MCF2: variants seen among roughly 807,000 people sequenced by gnomAD.
The protein encoded by MCF2 is MCF.2 cell line derived transforming sequence.
Under a neutral mutation model 82.5 loss-of-function variants are expected in MCF2, and 44 were observed. The observed-to-expected ratio is 0.53, with a 90% CI of 0.42 to 0.69. The LOEUF is 0.69. Ranked by LOEUF, MCF2 falls within the 30% of genes least tolerant of loss-of-function variation. MCF2 has a pLI of 0.00. For missense variants in MCF2, 623 were observed against 663.1 expected (o/e 0.94, Z 0.66); for synonymous variants, 217 against 224.9 (o/e 0.96, Z 0.32).
intron 1 of MCF2, among the ~76,000 whole-genome samples, chrX:139,653,806 C>A (rs1350680492): frequency 9.0e-6 from 1 of 111,131 alleles, no homozygotes; most frequent in South Asian, 3.9e-4. Context: ...CCCCTCTACC[C>A]TTCCCAGCCT....
At chrX:139,618,102 C>A (rs1464130006) in intron 7 of MCF2, among the ~76,000 whole-genome samples, 1 of 110,418 alleles carries the variant, frequency 9.1e-6, no homozygotes, top group African/African-American at 3.3e-5. Context: ...CCTTAGAAAT[C>A]TCATCAGAGT....
At chrX:139,692,013 G>A (rs1206694087) in intron 1 of MCF2, 3 of 1,164,232 alleles carry the variant, frequency 2.6e-6, no homozygotes, top group Non-Finnish European at 3.4e-6. Flanking sequence ...CACCTGCAGA[G>A]GGATCGCCTG....
intron 7 of MCF2, among the ~76,000 whole-genome samples, chrX:139,618,409 C>T (rs773790919): frequency 3.6e-5 from 4 of 111,058 alleles, no homozygotes; most frequent in Non-Finnish European, 7.6e-5. Flanking sequence ...GGAGCTGTTG[C>T]ACAACAACGC....
intron 16 of MCF2, among the ~76,000 whole-genome samples, chrX:139,600,097 T>C (rs1421876814): frequency 8.9e-6 from 1 of 111,748 alleles, no homozygotes; most frequent in Admixed American, 9.5e-5. Context: ...TCCATTTATA[T>C]GAAATGTCCA....
At chrX:139,646,967 A>G, upstream of MCF2, 1 of 672,706 alleles carries the variant, frequency 1.5e-6, no homozygotes, top group South Asian at 2.9e-5. Context: ...CAAGAAGAGG[A>G]TTTTAGATTT....
chrX:139,684,835 T>G (rs1051359929), intron 1 of MCF2, among the ~76,000 whole-genome samples: 2 of 111,433 alleles, frequency 1.8e-5, no homozygotes, highest in Non-Finnish European at 3.8e-5. Context: ...TGGGAGAAAA[T>G]GGAGAGTGAC....
rs751638755 is a variant in MCF2 at position 139,609,684 on chromosome X, G to C, written c.1401+617C>G. Among the ~76,000 whole-genome samples the C allele has an allele frequency of 1.2e-4, 13 of 111,295 alleles. No homozygotes were observed. In the South Asian group the frequency reaches 2.3e-3, roughly 20 times the overall value. On this transcript the variant is annotated intron_variant, in intron 11 of 24. Transcript: ENST00000370576. ...TATCTAACAATAAGTAAGTAGATTG[G>C]GCACAGTGATGCACACCTGTAGTCC...
intron 1 of MCF2, among the ~76,000 whole-genome samples, chrX:139,652,856 A>C (rs1391728163): frequency 9.1e-6 from 1 of 110,109 alleles, no homozygotes; most frequent in Non-Finnish European, 1.9e-5. Flanking sequence ...TGTGGTTTAT[A>C]AAGGACAATC....
chrX:139,632,433 G>A (rs1932973606), exon 2 of MCF2: 1 of 1,199,442 alleles, frequency 8.3e-7, no homozygotes, highest in Non-Finnish European at 1.1e-6. Context: ...AAAACCAAGT[G>A]CAAGTTCCCA....
At chrX:139,673,708 C>T (rs1417159355) in intron 1 of MCF2, among the ~76,000 whole-genome samples, 1 of 111,832 alleles carries the variant, frequency 8.9e-6, no homozygotes, top group Non-Finnish European at 1.9e-5. Context: ...TGTTCTTTTA[C>T]GTTTGCTGAG....
chrX:139,685,389 T>C (rs1251322973), intron 1 of MCF2, among the ~76,000 whole-genome samples: 2 of 111,015 alleles, frequency 1.8e-5, no homozygotes, highest in African/African-American at 6.6e-5. Context: ...AGACCCCTGA[T>C]CTAACCGGTT....
upstream of MCF2, chrX:139,645,752 T>C: frequency 2.0e-6 from 1 of 499,203 alleles, no homozygotes; most frequent in South Asian, 3.7e-5. Flanking sequence ...TCATCTACAT[T>C]TGATGTCTTG....
At chrX:139,685,529 A>G (rs1018633749) in intron 1 of MCF2, among the ~76,000 whole-genome samples, 1 of 110,351 alleles carries the variant, frequency 9.1e-6, no homozygotes. Flanking sequence ...ATCGATCACG[A>G]CCCTCTCAAG....
chrX:139,617,876 C>A lies in MCF2; in HGVS notation c.808-172G>T, dbSNP rs754003937. ...AAAAAAAAAAACACAAACAAACAAA[C>A]AAAAAAACAAAAACAAAAACTTACA... is the stretch of plus-strand genomic sequence containing the variant. On this transcript the variant is annotated intron_variant, in intron 7 of 24. Coordinates refer to ENST00000370576, the Ensembl canonical transcript of MCF2. Among the ~76,000 whole-genome samples, 5 of 107,215 alleles carry A rather than the reference C, an allele frequency of 4.7e-5. No homozygotes were observed. In the East Asian group the frequency reaches 1.5e-3, roughly 31 times the overall value. The allele number at this position is 107,215 out of a possible 115,157, so 93.1% of individuals were successfully genotyped here.
At chrX:139,583,492 C>T (rs1250393636) in intron 24 of MCF2, among the ~76,000 whole-genome samples, 1 of 111,320 alleles carries the variant, frequency 9.0e-6, no homozygotes, top group Non-Finnish European at 1.9e-5. Context: ...AGCAAATTAA[C>T]GCAGGAACAG....
intron 19 of MCF2, among the ~76,000 whole-genome samples, chrX:139,594,789 A>G (rs2148409047): frequency 9.0e-6 from 1 of 110,525 alleles, no homozygotes; most frequent in African/African-American, 3.3e-5. Context: ...GTGAACAGGC[A>G]ACCTACAGAA....
chrX:139,667,871 A>T (rs781569851), intron 1 of MCF2, among the ~76,000 whole-genome samples: 1 of 111,956 alleles, frequency 8.9e-6, no homozygotes, highest in East Asian at 2.9e-4. Context: ...GTGGTAGCAT[A>T]CTGCTTGGGC....
chrX:139,614,590 GA>G (rs1444901530), intron 10 of MCF2, among the ~76,000 whole-genome samples: 1 of 109,427 alleles, frequency 9.1e-6, no homozygotes, highest in African/African-American at 3.3e-5. Context: ...TCACCTGCTG[GA>G]AAAAAATGCA....
chrX:139,649,765 T>G (rs776931641), intron 2 of MCF2, among the ~76,000 whole-genome samples: 1 of 111,710 alleles, frequency 9.0e-6, no homozygotes, highest in Admixed American at 9.5e-5. Flanking sequence ...TTAAAACAAA[T>G]ACAAAAAGCA....
Sources: allele counts gnomAD v4.1 joint callset (sites outside exome capture counted in the v4.1 genomes callset), GRCh38; gene constraint gnomAD v4.1.1; transcripts MANE v1.5; gene names NCBI Gene and HGNC (gene_info 2026-07-23, HGNC 2026-07-21).